Variants in HMOX2 observed in about 807,000 individuals in gnomAD.
HMOX2 encodes the protein heme oxygenase 2.
In HMOX2, 30 loss-of-function variants were observed where a neutral mutation model predicts 33.7. The ratio of observed to expected loss-of-function variants is 0.89; its 90% CI spans 0.67 to 1.21. The LOEUF is 1.21. Among genes scored for constraint, HMOX2 ranks in the 50% most tolerant of loss-of-function variants. The probability of loss-of-function intolerance (pLI) is 0.00; values close to 1 mark genes in which losing one functional copy is unlikely to be tolerated. For synonymous variants in HMOX2, 155 were observed against 155.0 expected, an observed-to-expected ratio of 1.00 and a Z score of 0.00; for missense variants, 403 against 399.1, an observed-to-expected ratio of 1.01 and a Z score of -0.08.
At chr16:4,485,092 A>C (rs1178165911) in intron 1 of HMOX2, among the ~76,000 whole-genome samples, 1 of 151,894 alleles carries the variant, frequency 6.6e-6, no homozygotes, top group Non-Finnish European at 1.5e-5. Context: ...TAGCCTCCCG[A>C]GTAGCTGGGA....
intron 1 of HMOX2, chr16:4,479,392 G>C (rs2057956263): frequency 6.6e-6 from 1 of 152,140 alleles, no homozygotes; most frequent in Admixed American, 6.6e-5. Context: ...TGGGGTCCTT[G>C]TCTAAGGCAC....
At chr16:4,507,648 C>T in intron 3 of HMOX2, 65 bp from the exon 4 acceptor site, 1 of 1,554,852 alleles carries the variant, frequency 6.4e-7, no homozygotes, top group Non-Finnish European at 8.7e-7. Context: ...ACTTGAGCCT[C>T]TGCATCCAGC....
chr16:4,490,996 A>G (rs974512592), intron 1 of HMOX2, among the ~76,000 whole-genome samples: 2 of 152,094 alleles, frequency 1.3e-5, no homozygotes, highest in African/African-American at 2.4e-5. Flanking sequence ...TCTACCCACT[A>G]TTGTCAGTAG....
intron 4 of HMOX2, 55 bp from the exon 5 acceptor site, chr16:4,509,357 A>G: frequency 6.3e-7 from 1 of 1,577,222 alleles, no homozygotes; most frequent in Non-Finnish European, 8.6e-7. Context: ...ATTTAAAAAA[A>G]AAAAAAAAGT....
intron 1 of HMOX2, chr16:4,479,369 G>C (rs2057955539): frequency 6.6e-6 from 1 of 152,110 alleles, no homozygotes; most frequent in African/African-American, 2.4e-5. Context: ...GAGTTTCCCA[G>C]GTGATCCTTG....
At chr16:4,503,329 GC>G (rs1443357093) in intron 1 of HMOX2, among the ~76,000 whole-genome samples, 2 of 151,962 alleles carry the variant, frequency 1.3e-5, no homozygotes, top group Non-Finnish European at 2.9e-5. Context: ...CCCCAGCCCT[GC>G]CCCAAATCCT....
At chr16:4,489,692 C>G (rs894345913) in intron 1 of HMOX2, among the ~76,000 whole-genome samples, 1 of 152,174 alleles carries the variant, frequency 6.6e-6, no homozygotes, top group Non-Finnish European at 1.5e-5. Context: ...CTCCTGTACT[C>G]AAGCTATCCA....
chr16:4,502,805 G>C (rs1259835141), intron 1 of HMOX2: 1 of 152,234 alleles, frequency 6.6e-6, no homozygotes, highest in Non-Finnish European at 1.5e-5. Flanking sequence ...TGCAACCTCT[G>C]TCTCCCAGGC....
chr16:4,505,635 T>A (rs373056288), intron 2 of HMOX2, 25 bp downstream of exon 2: 2 of 1,493,074 alleles, frequency 1.3e-6, no homozygotes, highest in Non-Finnish European at 1.8e-6. Flanking sequence ...CTGGCTGCAC[T>A]GAATCAGGTG....
chr16:4,507,639 C>T, intron 3 of HMOX2, 74 bp from the exon 4 acceptor site: 1 of 1,529,856 alleles, frequency 6.5e-7, no homozygotes, highest in Non-Finnish European at 8.9e-7. Flanking sequence ...GGGGTTGTCA[C>T]TTGAGCCTCT....
At chr16:4,475,378 G>C (rs2057791444), upstream of HMOX2, among the ~76,000 whole-genome samples, 1 of 151,176 alleles carries the variant, frequency 6.6e-6, no homozygotes, top group Non-Finnish European at 1.5e-5. Flanking sequence ...TGCGATCTTG[G>C]CTCACTGCAA....
At chr16:4,476,619 C>A (rs1030902194) in intron 1 of HMOX2, 132 bp downstream of exon 1, 6 of 152,440 alleles carry the variant, frequency 3.9e-5, no homozygotes, top group Admixed American at 3.3e-4. Flanking sequence ...TTTGGGTCCC[C>A]TGCGCCGGTC....
chr16:4,503,234 C>T (rs1427479610), intron 1 of HMOX2, among the ~76,000 whole-genome samples: 2 of 152,152 alleles, frequency 1.3e-5, no homozygotes, highest in Admixed American at 6.5e-5. Context: ...GGTAAGTGGA[C>T]GCACAGCTGG....
intron 5 of HMOX2, 37 bp downstream of exon 5, chr16:4,509,575 G>T (rs931756069): frequency 6.2e-7 from 1 of 1,613,980 alleles, no homozygotes; most frequent in African/African-American, 1.3e-5. Context: ...TCCTGGGGCA[G>T]GTGTAGCAGG....
At chr16:4,477,764 C>T (rs1271180028) in intron 1 of HMOX2, among the ~76,000 whole-genome samples, 2 of 151,974 alleles carry the variant, frequency 1.3e-5, no homozygotes, top group Non-Finnish European at 2.9e-5. Flanking sequence ...ACTAAAAATA[C>T]AAAAAAGTTA....
chr16:4,482,248 C>T (rs2058049962), intron 1 of HMOX2, among the ~76,000 whole-genome samples: 1 of 152,082 alleles, frequency 6.6e-6, no homozygotes, highest in Admixed American at 6.6e-5. Flanking sequence ...GGCAAGTGGA[C>T]CCAGAAGGGG....
chr16:4,479,734 T>A (rs1468018677), intron 1 of HMOX2, among the ~76,000 whole-genome samples: 3 of 23,670 alleles, frequency 1.3e-4, no homozygotes, highest in African/African-American at 2.5e-4. Flanking sequence ...CTATTTTTTT[T>A]TTTTTTTTTT....
At chr16:4,497,665 T>G (rs1228719515) in intron 1 of HMOX2, among the ~76,000 whole-genome samples, 1 of 152,206 alleles carries the variant, frequency 6.6e-6, no homozygotes, top group Non-Finnish European at 1.5e-5. Context: ...CAGTTGTATT[T>G]GAACATGGCT....
At chr16:4,496,442 C>G (rs1354517205) in intron 1 of HMOX2, 1 of 152,060 alleles carries the variant, frequency 6.6e-6, no homozygotes, top group Non-Finnish European at 1.5e-5. Flanking sequence ...ACTTTTCATA[C>G]TAAAACAACA....
Sources: allele counts gnomAD v4.1 joint callset (sites outside exome capture counted in the v4.1 genomes callset), GRCh38; gene constraint gnomAD v4.1.1; transcripts MANE v1.5; gene names NCBI Gene and HGNC (gene_info 2026-07-23, HGNC 2026-07-21).